Variants in WASHC4 observed in about 807,000 individuals in gnomAD.
WASHC4 encodes the protein WASH complex subunit 4, also known as WASH complex subunit 7.
Under a neutral mutation model 166.6 loss-of-function variants are expected in WASHC4, and 86 were observed. The observed-to-expected ratio is 0.52, with a 90% CI of 0.43 to 0.62. WASHC4 has a LOEUF of 0.62. Among genes scored for constraint, WASHC4 ranks in the 20% least tolerant of loss-of-function variants. WASHC4 has a pLI of 0.00. For synonymous variants in WASHC4, 446 were observed against 451.6 expected (o/e 0.99, Z 0.16); for missense variants, 1,262 against 1,382.4 (o/e 0.91, Z 1.38).
At chr12:105,152,524 C>T in intron 26 of WASHC4, 73 bp downstream of exon 26, 1 of 865,530 alleles carries the variant, frequency 1.2e-6, no homozygotes, top group Non-Finnish European at 2.0e-6. Context: ...AACTATTTCA[C>T]ACTAATAAGC....
At chr12:105,145,816 T>C (rs1883243852) in intron 22 of WASHC4, among the ~76,000 whole-genome samples, 1 of 152,106 alleles carries the variant, frequency 6.6e-6, no homozygotes, top group African/African-American at 2.4e-5. Context: ...TAGAGTAATA[T>C]CTATTTAAAG....
In WASHC4 at chr12:105,107,761, C is replaced by T. The variant is rs775449066; in HGVS notation, c.-40C>T. ...CTGGGGTGAGGCCGTCGTCGCCGCA[C>T]GGGCTGGTTGGGGCTGTGTCTGTGG... On this transcript the variant is annotated 5_prime_UTR_variant, in exon 1 of 33. In the 5' UTR this introduces an upstream ATG that the reference lacks. Coordinates refer to ENST00000332180, the MANE Select transcript of WASHC4 (RefSeq NM_015275.3). 4 of 1,487,344 alleles carry T rather than the reference C, an allele frequency of 2.7e-6. No individual in the cohort carries two copies. Among genetic ancestry groups the T allele is most frequent in the South Asian group, 1.2e-5 (1 of 82,066 alleles). 92.1% of individuals were successfully genotyped at this position (1,487,344 alleles called of 1,614,324 possible).
intron 14 of WASHC4, among the ~76,000 whole-genome samples, chr12:105,134,625 C>T (rs1037240308): frequency 2.0e-5 from 3 of 151,934 alleles, no homozygotes; most frequent in South Asian, 2.1e-4. Context: ...AGGTCTCTTT[C>T]GTGTGATATT....
chr12:105,125,794 A>G (rs751430934), intron 10 of WASHC4, among the ~76,000 whole-genome samples: 2 of 152,078 alleles, frequency 1.3e-5, no homozygotes, highest in Non-Finnish European at 2.9e-5. Flanking sequence ...ACTTTCACAT[A>G]ACTAGTACCC....
chr12:105,163,683 G>A (rs1160669128), intron 30 of WASHC4, among the ~76,000 whole-genome samples: 1 of 151,410 alleles, frequency 6.6e-6, no homozygotes, highest in Non-Finnish European at 1.5e-5. Flanking sequence ...AAAAATTTTT[G>A]TTTTTTTTAG....
chr12:105,160,257 C>T, intron 29 of WASHC4, 109 bp downstream of exon 29: 1 of 917,582 alleles, frequency 1.1e-6, no homozygotes, highest in Non-Finnish European at 1.7e-6. Context: ...TATTAATTTC[C>T]TGGTTGCATA....
intron 8 of WASHC4, 88 bp downstream of exon 8, chr12:105,120,685 TA>T: frequency 1.1e-6 from 1 of 914,588 alleles, no homozygotes; most frequent in Non-Finnish European, 1.8e-6. Context: ...ATGACAGTCA[TA>T]GGAACACTCT....
At chr12:105,110,581 T>C (rs556914957) in intron 1 of WASHC4, among the ~76,000 whole-genome samples, 19 of 152,318 alleles carry the variant, frequency 1.2e-4, no homozygotes, top group African/African-American at 4.3e-4. Flanking sequence ...TTAACAAATA[T>C]CTTGGTTAAA....
Position 105,122,263 on chromosome 12 carries a change from A to G in WASHC4, c.786+25A>G, listed in dbSNP as rs199844480. 1,618 of 1,608,448 alleles carry G rather than the reference A, an allele frequency of 1.0e-3. 27 individuals carry two copies. The highest frequency in any genetic ancestry group is 9.9e-4 in the Middle Eastern group (6 of 6,052). On this transcript the variant is annotated intron_variant, in intron 10 of 32. Transcript: ENST00000332180. The stretch of plus-strand genomic sequence containing the variant: ...GGTAAGTAGGTCTGTATCAGACTGT[A>G]ACAGTGGGGCTCATATTAGACGACA...
intron 32 of WASHC4, among the ~76,000 whole-genome samples, chr12:105,166,186 C>T (rs1192234999): frequency 6.6e-6 from 1 of 152,188 alleles, no homozygotes; most frequent in Non-Finnish European, 1.5e-5. Flanking sequence ...TTATCACTCA[C>T]ATCACTGTTC....
intron 2 of WASHC4, among the ~76,000 whole-genome samples, chr12:105,112,689 A>G (rs73395744): frequency 0.019 from 2,817 of 152,230 alleles, 69 homozygotes; most frequent in African/African-American, 0.051. Flanking sequence ...GCTTATGGCC[A>G]TGTGTCTGTT....
intron 12 of WASHC4, 74 bp from the exon 13 acceptor site, chr12:105,127,055 T>C: frequency 8.1e-7 from 1 of 1,240,544 alleles, no homozygotes; most frequent in Non-Finnish European, 1.2e-6. Flanking sequence ...TCCATGTGTA[T>C]TATAGAACTT....
At chr12:105,164,801 C>A in intron 32 of WASHC4, 61 bp downstream of exon 32, 2 of 1,113,840 alleles carry the variant, frequency 1.8e-6, no homozygotes, top group Non-Finnish European at 2.7e-6. Context: ...GACAGTAATG[C>A]ACCATTTTAT....
intron 10 of WASHC4, among the ~76,000 whole-genome samples, chr12:105,125,774 C>T (rs762707777): frequency 6.6e-6 from 1 of 151,886 alleles, no homozygotes; most frequent in Non-Finnish European, 1.5e-5. Context: ...GATTTGGGTT[C>T]AATTTTATTA....
chr12:105,146,423 A>G (rs760530370), intron 22 of WASHC4, 29 bp from the exon 23 acceptor site: 2 of 1,245,022 alleles, frequency 1.6e-6, no homozygotes, highest in Non-Finnish European at 2.4e-6. Context: ...ATGAATTATA[A>G]TAAAACTTGT....
chr12:105,148,013 C>G lies in WASHC4; in HGVS notation c.2514+867C>G, dbSNP rs544406999. 2.0e-4 allele frequency: 200 copies of G among 985,200 alleles called. No homozygotes were observed. In the African/African-American group the frequency reaches 3.3e-3, roughly 16 times the overall value. 61.0% of individuals were successfully genotyped at this position (985,200 alleles called of 1,614,324 possible). A position where few individuals can be genotyped will look rare whatever the true frequency, so the allele number is the denominator to read the frequency against. The stretch of plus-strand genomic sequence containing the variant: ...GAAAAAGAGAAGTCTTTGAATTTAC[C>G]TGGTTTTCAGAGCACAGTTAATTTC... On this transcript the variant is annotated intron_variant, in intron 24 of 32. Transcript: ENST00000332180.
chr12:105,119,766 A>G (rs574872413), intron 7 of WASHC4, among the ~76,000 whole-genome samples: 12 of 152,374 alleles, frequency 7.9e-5, no homozygotes, highest in Admixed American at 1.3e-4. Context: ...TGGAATATCT[A>G]TATGTGCTTT....
chr12:105,108,684 G>C (rs1204090655), intron 1 of WASHC4, among the ~76,000 whole-genome samples: 2 of 151,974 alleles, frequency 1.3e-5, no homozygotes, highest in Admixed American at 6.6e-5. Flanking sequence ...TCTTATCTTT[G>C]GTCATAGTAA....
chr12:105,107,956 G>A (rs1879238025), intron 1 of WASHC4, 95 bp downstream of exon 1: 1 of 914,160 alleles, frequency 1.1e-6, no homozygotes, highest in Non-Finnish European at 1.7e-6. Context: ...GGACGGCTGC[G>A]CAGCCGTCTG....
Sources: allele counts gnomAD v4.1 joint callset (sites outside exome capture counted in the v4.1 genomes callset), GRCh38; gene constraint gnomAD v4.1.1; transcripts MANE v1.5; gene names NCBI Gene and HGNC (gene_info 2026-07-23, HGNC 2026-07-21).